USP50: variants seen among roughly 807,000 people sequenced by gnomAD.
USP50 encodes the protein ubiquitin carboxyl-terminal hydrolase 50.
In USP50, 37 loss-of-function variants were observed where a neutral mutation model predicts 39.2. That is an observed-to-expected ratio of 0.94 (90% CI 0.73 to 1.24). The LOEUF (loss-of-function observed/expected upper bound fraction) is 1.24. Ranked by LOEUF, USP50 falls within the 50% of genes most tolerant of loss-of-function variation. The probability of loss-of-function intolerance (pLI) is 0.00; values close to 1 mark genes in which losing one functional copy is unlikely to be tolerated. For synonymous variants in USP50, 139 were observed against 144.5 expected (o/e 0.96, Z 0.27); for missense variants, 374 against 398.2 (o/e 0.94, Z 0.52).
rs751029217 is a variant in USP50 at position 50,541,159 on chromosome 15, G to T, written c.550C>A (p.Gln184Lys). The T allele has an allele frequency of 6.2e-7, 1 of 1,613,858 alleles. No individual in the cohort carries two copies. Residue 184 changes from glutamine (Q) to lysine (K), a missense_variant, in exon 4 of 7, where the codon CAG (glutamine) becomes AAG (lysine). Transcript: ENST00000532404. ...AAACATACGATGCTATAATTGAGCT[G>T]CTCTTCAAACAGCTGGGTGATGATG... is the stretch of plus-strand genomic sequence containing the variant. ...TSIITQLFEE[Q>K]LNYSIVCLKC...
intron 5 of USP50, chr15:50,532,174 A>C: frequency 2.2e-6 from 1 of 456,332 alleles, no homozygotes; most frequent in Non-Finnish European, 4.4e-6. Context: ...TTTTCCTTCC[A>C]GGAGCCCAAC....
At chr15:50,515,701 A>G (rs1398095300) in intron 6 of USP50, among the ~76,000 whole-genome samples, 2 of 151,778 alleles carry the variant, frequency 1.3e-5, no homozygotes, top group African/African-American at 4.8e-5. Flanking sequence ...AAACAAAATT[A>G]AAGAATAAAT....
At chr15:50,517,229 A>G (rs3131608) in intron 6 of USP50, among the ~76,000 whole-genome samples, 75,106 of 151,902 alleles carry the variant, frequency 0.49, 18,927 homozygotes, top group East Asian at 0.57. Context: ...CCAGCACTTT[A>G]GGAGGCTGAG....
At chr15:50,522,469 AGAT>A (rs987964873) in intron 6 of USP50, among the ~76,000 whole-genome samples, 14 of 152,306 alleles carry the variant, frequency 9.2e-5, no homozygotes, top group Admixed American at 9.2e-4. Flanking sequence ...CATTTAAAGA[AGAT>A]CTAGTACCAA....
At chr15:50,523,707 A>G (rs62019121) in intron 6 of USP50, among the ~76,000 whole-genome samples, 28,671 of 152,074 alleles carry the variant, frequency 0.19, 2,968 homozygotes, top group Admixed American at 0.29. Context: ...TGTCCATACT[A>G]CGTAAAACAA....
intron 4 of USP50, 93 bp from the exon 5 acceptor site, chr15:50,538,944 T>C (rs749014071): frequency 1.5e-5 from 20 of 1,372,302 alleles, no homozygotes; most frequent in African/African-American, 1.5e-5. Flanking sequence ...GCCGTGGAAA[T>C]GTAGTTCTCA....
chr15:50,516,031 A>T (rs2052801050), intron 6 of USP50, among the ~76,000 whole-genome samples: 1 of 152,210 alleles, frequency 6.6e-6, no homozygotes, highest in South Asian at 2.1e-4. Context: ...AGGGGGAGTA[A>T]AAGTATAGTT....
At chr15:50,502,790 G>A (rs1165241342) in intron 6 of USP50, 1 of 152,312 alleles carries the variant, frequency 6.6e-6, no homozygotes, top group African/African-American at 2.4e-5. Flanking sequence ...ACACCACCAT[G>A]TCCAGAATGA....
At chr15:50,546,406 G>T in intron 1 of USP50, 67 bp downstream of exon 1, 2 of 1,557,516 alleles carry the variant, frequency 1.3e-6, no homozygotes, top group Non-Finnish European at 1.8e-6. Flanking sequence ...TGTGTCCCCT[G>T]ACTCCTCTGA....
chr15:50,519,663 C>A (rs1193471517), intron 6 of USP50, among the ~76,000 whole-genome samples: 3 of 150,598 alleles, frequency 2.0e-5, no homozygotes. Flanking sequence ...TGCAGTGAGC[C>A]GAGATAGTGC....
At chr15:50,537,879 G>A (rs2052992311) in intron 5 of USP50, among the ~76,000 whole-genome samples, 1 of 49,476 alleles carries the variant, frequency 2.0e-5, no homozygotes, top group African/African-American at 7.4e-5. Context: ...GGGGAGGGAG[G>A]GGAGGGGAGG....
At chr15:50,539,657 G>T (rs2053013655) in intron 4 of USP50, among the ~76,000 whole-genome samples, 1 of 152,064 alleles carries the variant, frequency 6.6e-6, no homozygotes, top group Non-Finnish European at 1.5e-5. Flanking sequence ...CTCGTGATCC[G>T]CCCGCCTTGG....
At chr15:50,541,424 G>T (rs2053029337) in intron 3 of USP50, among the ~76,000 whole-genome samples, 160 bp from the exon 4 acceptor site, 1 of 152,042 alleles carries the variant, frequency 6.6e-6, no homozygotes, top group Non-Finnish European at 1.5e-5. Flanking sequence ...GAGGTTGGAG[G>T]ATCAGTTGAG....
rs1453596923 is a variant in USP50 at position 50,525,554 on chromosome 15, GTGTA to G, written c.936+4239_936+4242del. 7.1e-3 allele frequency among the ~76,000 whole-genome samples: 548 copies of G among 76,892 alleles called. 5 individuals carry two copies. The highest frequency in any genetic ancestry group is 0.013 in the Admixed American group (97 of 7,512). 50.4% of individuals were successfully genotyped at this position (76,892 alleles called of 152,430 possible). On this transcript the variant is annotated intron_variant, in intron 6 of 6. Transcript: ENST00000532404. ...TATGTATATGTATATATGTATATAT[GTGTA>G]TATATGTATATATGTATATGTATAT...
intron 6 of USP50, among the ~76,000 whole-genome samples, chr15:50,525,012 C>G (rs1016960431): frequency 4.6e-5 from 7 of 152,172 alleles, no homozygotes; most frequent in Admixed American, 3.9e-4. Flanking sequence ...TCACAATAGT[C>G]AAGATATGGA....
chr15:50,494,289 T>TTTGATTTTTCTAAG, intron 1 of USP50: 1 of 1,586,548 alleles, frequency 6.3e-7, no homozygotes, highest in Non-Finnish European at 8.5e-7. Context: ...AAGTAAGAAA[T>TTTGATTTTTCTAAG]TTGATTTTTC....
chr15:50,513,159 G>A (rs2052759667), intron 6 of USP50: 1 of 152,148 alleles, frequency 6.6e-6, no homozygotes, highest in East Asian at 1.9e-4. Context: ...ATCACTTGTA[G>A]AAAGTTAAAT....
chr15:50,529,708 G>A (rs2052924999), intron 6 of USP50, 89 bp downstream of exon 6: 1 of 1,443,234 alleles, frequency 6.9e-7, no homozygotes, highest in Non-Finnish European at 9.3e-7. Context: ...GCATAAGCCA[G>A]GGAGAGACAG....
At chr15:50,503,319 T>C (rs889568193) in intron 6 of USP50, 3 of 152,426 alleles carry the variant, frequency 2.0e-5, no homozygotes, top group Admixed American at 2.0e-4. Context: ...CATTCCAGCC[T>C]GGGCGGAGCC....
Sources: gnomAD v4.1 joint callset for allele counts (sites outside exome capture counted in the v4.1 genomes callset) on GRCh38, gnomAD v4.1.1 for gene constraint, MANE v1.5 for transcripts, NCBI Gene and HGNC (gene_info 2026-07-23, HGNC 2026-07-21) for gene names.